Variants in CFAP44 observed in about 807,000 individuals in gnomAD.
CFAP44 encodes the protein cilia- and flagella-associated protein 44.
Under a neutral mutation model 216.2 loss-of-function variants are expected in CFAP44, and 134 were observed. That is an observed-to-expected ratio of 0.62 (90% CI 0.54 to 0.72). The LOEUF is 0.72. Among genes scored for constraint, CFAP44 ranks in the 30% least tolerant of loss-of-function variants. The probability of loss-of-function intolerance (pLI) is 0.00; values close to 1 mark genes in which losing one functional copy is unlikely to be tolerated. For synonymous variants in CFAP44, 700 were observed against 727.6 expected (o/e 0.96, Z 0.61); for missense variants, 2,035 against 2,182.1 (o/e 0.93, Z 1.34).
In CFAP44 at chr3:113,395,895, T is replaced by C. The variant is rs780270352; in HGVS notation, c.1780-35A>G. 5.3e-6 allele frequency: 8 copies of C among 1,508,404 alleles called. No homozygotes were observed. The Admixed American group carries it at 1.4e-4, about 26-fold the overall frequency. 93.4% of individuals were successfully genotyped at this position (1,508,404 alleles called of 1,614,324 possible). ...AAGAGACACACCGACGAAATATATA[T>C]TACTATGAAATCTAGCCTATAGATC... On this transcript the variant is annotated intron_variant, in intron 14 of 34. Coordinates refer to ENST00000393845, the MANE Select transcript of CFAP44 (RefSeq NM_001164496.2).
intron 6 of CFAP44, among the ~76,000 whole-genome samples, chr3:113,414,942 G>A (rs1934603429): frequency 6.6e-6 from 1 of 152,130 alleles, no homozygotes; most frequent in South Asian, 2.1e-4. Flanking sequence ...AATGGTACCA[G>A]CTCCTCTTTG....
intron 32 of CFAP44, 69 bp downstream of exon 32, chr3:113,303,847 C>T: frequency 5.4e-6 from 8 of 1,483,236 alleles, no homozygotes; most frequent in Non-Finnish European, 7.2e-6. Context: ...CAGTTGGAGA[C>T]AGTCACCTGG....
chr3:113,396,656 A>G lies in CFAP44; in HGVS notation c.1641T>C (p.Asp547=). The G allele has an allele frequency of 6.2e-7, 1 of 1,614,100 alleles. No individual in the cohort carries two copies. Among genetic ancestry groups the G allele is most frequent in the East Asian group, 2.2e-5 (1 of 44,876 alleles). The change falls in exon 14 of 35, where the codon GAT becomes GAC. Residue 547 remains aspartate, a synonymous_variant. Coordinates refer to ENST00000393845, the MANE Select transcript of CFAP44 (RefSeq NM_001164496.2). ...CCGCAAAAATCGTGAGCCCTTTTGG[A>G]TCATAAAGTTCAAGAATTCGAACAA... is the stretch of plus-strand genomic sequence containing the variant. The part of the protein sequence containing the change: ...DGVVRILELY[D]PKGLTIFAGR...
intron 22 of CFAP44, among the ~76,000 whole-genome samples, chr3:113,345,104 T>G (rs1304626591): frequency 2.7e-5 from 4 of 148,378 alleles, no homozygotes; most frequent in Admixed American, 6.8e-5. Flanking sequence ...TGTATATATA[T>G]CTATACATAT....
At position 113,420,127 on chromosome 3, in the gene CFAP44, C is replaced by T. The variant is rs780990198; in HGVS notation, c.460G>A (p.Asp154Asn). Residue 154 changes from aspartate (D) to asparagine (N), a missense_variant, in exon 5 of 35, where the codon GAC becomes AAC. Physicochemically the swap from Asp to Asn is conservative, Grantham distance 23. Around this residue, in one of 3 missense-constraint regions of CFAP44, gnomAD observed 1,883 missense variants for 2,023.7 expected, o/e 0.93. Coordinates refer to ENST00000393845, the MANE Select transcript of CFAP44 (RefSeq NM_001164496.2). Reference sequence around the variant, plus strand: ...CCAGCTATGTATATGGCGATACTGTCGTCCAGAAGTTGTAGGTTGGCTCGC... The same window carrying T: ...CCAGCTATGTATATGGCGATACTGTTGTCCAGAAGTTGTAGGTTGGCTCGC... ...RKRANLQLLD[D>N]SIAIYIAGNQ... The T allele has an allele frequency of 1.4e-5, 22 of 1,613,622 alleles. No individual in the cohort carries two copies. Among genetic ancestry groups the T allele is most frequent in the Middle Eastern group, 1.6e-4 (1 of 6,080 alleles).
intron 24 of CFAP44, among the ~76,000 whole-genome samples, chr3:113,335,844 A>C (rs1300629590): frequency 6.6e-6 from 1 of 152,222 alleles, no homozygotes; most frequent in Non-Finnish European, 1.5e-5. Flanking sequence ...CGTGGCCATA[A>C]CACAGTTCTC....
rs761230374 is a variant in CFAP44, at chr3:113,326,438, T to C, written c.4516+7A>G. The C allele has an allele frequency of 5.4e-6, 8 of 1,491,022 alleles. No homozygotes were observed. The South Asian group carries it at 6.8e-5, about 13-fold the overall frequency. The allele number at this position is 1,491,022 out of a possible 1,614,324, so 92.4% of individuals were successfully genotyped here. A position where few individuals can be genotyped will look rare whatever the true frequency, so the allele number is the denominator to read the frequency against. ...AATAAGATCATATGCAAGAAAGAAA[T>C]ACAAACCAGCATCTCCTTCAACTTC... On this transcript the variant is annotated splice_region_variant and intron_variant, in intron 28 of 34. Coordinates refer to ENST00000393845, the MANE Select transcript of CFAP44 (RefSeq NM_001164496.2).
chr3:113,316,683 A>G (rs1950091077), intron 28 of CFAP44, among the ~76,000 whole-genome samples: 1 of 152,160 alleles, frequency 6.6e-6, no homozygotes, highest in African/African-American at 2.4e-5. Context: ...ATCCTGGCCA[A>G]CACTGTGAAA....
chr3:113,345,926 C>T (rs140515790), intron 22 of CFAP44, among the ~76,000 whole-genome samples: 122 of 152,224 alleles, frequency 8.0e-4, no homozygotes, highest in Middle Eastern at 3.4e-3. Flanking sequence ...TTCATACATA[C>T]TATCTTTCTC....
chr3:113,341,870 T>G lies in CFAP44; in HGVS notation c.3311A>C (p.Lys1104Thr). 5 of 1,531,768 alleles carry G rather than the reference T, an allele frequency of 3.3e-6. No homozygotes were observed. The highest frequency in any genetic ancestry group is 4.4e-6 in the Non-Finnish European group (5 of 1,145,784). The allele number at this position is 1,531,768 out of a possible 1,614,324, so 94.9% of individuals were successfully genotyped here. ...TTCACTTAGGGTTTTAGGCCGAAAT[T>G]TCTTCCCTTTTTCTATTATTGATTC... ...QEESIIEKGK[K>T]FRPKTLSEII... is the part of the protein sequence containing the mutation. Residue 1104 changes from lysine to threonine, a missense_variant, in exon 24 of 35, where the codon AAA (lysine) becomes ACA (threonine). Physicochemically the swap from Lys to Thr is moderately conservative, Grantham distance 78. This residue lies in a region of CFAP44 where 1,883 missense variants were observed against 2,023.7 expected (regional missense o/e 0.93). Transcript: ENST00000393845.
At chr3:113,353,118 A>G (rs560378470) in intron 22 of CFAP44, among the ~76,000 whole-genome samples, 6 of 152,272 alleles carry the variant, frequency 3.9e-5, no homozygotes, top group African/African-American at 1.4e-4. Flanking sequence ...TGGGCACTTG[A>G]TCCCTGCATC....
At chr3:113,306,144 T>C in intron 30 of CFAP44, 57 bp downstream of exon 30, 1 of 1,496,716 alleles carries the variant, frequency 6.7e-7, no homozygotes, top group Middle Eastern at 1.7e-4. Context: ...GGCAATATTA[T>C]AGCTAGGAGG....
At chr3:113,413,250 T>C (rs754718553) in intron 6 of CFAP44, among the ~76,000 whole-genome samples, 1 of 152,212 alleles carries the variant, frequency 6.6e-6, no homozygotes, top group Non-Finnish European at 1.5e-5. Context: ...TTTAAGTTCC[T>C]TGTAAATTCT....
Position 113,379,486 on chromosome 3 carries a change from C to T in CFAP44, c.2118G>A (p.Arg706=), listed in dbSNP as rs1280427401. The change falls in exon 17 of 35, where the codon AGG becomes AGA. Residue 706 remains arginine, a synonymous_variant. Coordinates refer to ENST00000393845, the MANE Select transcript of CFAP44 (RefSeq NM_001164496.2). The part of the protein sequence containing the change: ...RELKEKIREE[R]RNKLAAEMGE... ...CCATCTCTGCTGCTAGCTTGTTCCT[C>T]CTTTCTTCCCTTATTTTCTCCTTCA... is the stretch of plus-strand genomic sequence containing the variant. 28 of 1,608,198 alleles carry T rather than the reference C, an allele frequency of 1.7e-5. No homozygotes were observed. The highest frequency in any genetic ancestry group is 2.0e-5 in the Non-Finnish European group (24 of 1,174,962).
At position 113,303,995 on chromosome 3, in the gene CFAP44, C is replaced by G. The variant is rs1433146000; in HGVS notation, c.4998G>C (p.Gln1666His). The change falls in exon 32 of 35, where the codon CAG becomes CAC. Residue 1666 changes from glutamine (Q) to histidine (H), a missense_variant. Physicochemically the swap from Gln to His is conservative, Grantham distance 24. Coordinates refer to ENST00000393845, the MANE Select transcript of CFAP44 (RefSeq NM_001164496.2). ...CTCTCCATTCTTTGTTAAGTTTTTG[C>G]TGCTTGGAATTTTCCTCCTGGAGCT... ...IHELQEENSK[Q>H]QKLNKEWRER... 9.1e-6 allele frequency: 14 copies of G among 1,537,526 alleles called. No individual in the cohort carries two copies. Among genetic ancestry groups the G allele is most frequent in the Non-Finnish European group, 1.1e-5 (13 of 1,147,026 alleles).
intron 17 of CFAP44, among the ~76,000 whole-genome samples, chr3:113,375,698 G>A (rs1444935770): frequency 6.6e-6 from 1 of 152,186 alleles, no homozygotes; most frequent in Non-Finnish European, 1.5e-5. Flanking sequence ...GCACACACCT[G>A]TAATCTCAGC....
intron 7 of CFAP44, 112 bp from the exon 8 acceptor site, chr3:113,407,153 C>A (rs1352606827): frequency 3.7e-6 from 3 of 815,642 alleles, no homozygotes; most frequent in Non-Finnish European, 6.0e-6. Context: ...TTCATTCATT[C>A]ATTCATTTAT....
intron 7 of CFAP44, among the ~76,000 whole-genome samples, chr3:113,408,734 G>T (rs1934362830): frequency 6.6e-6 from 1 of 151,776 alleles, no homozygotes; most frequent in Admixed American, 6.6e-5. Context: ...GTTGTGGTGG[G>T]TGCCTGTAGT....
chr3:113,415,677 G>A (rs908919739), intron 6 of CFAP44, among the ~76,000 whole-genome samples: 1 of 152,160 alleles, frequency 6.6e-6, no homozygotes, highest in South Asian at 2.1e-4. Flanking sequence ...GTGGTTTTTA[G>A]TGAGTTTCTT....
Sources: allele counts gnomAD v4.1 joint callset (sites outside exome capture counted in the v4.1 genomes callset), GRCh38; gene constraint gnomAD v4.1.1; regional missense constraint gnomAD v4.1.1; transcripts MANE v1.5; gene names NCBI Gene and HGNC (gene_info 2026-07-23, HGNC 2026-07-21).